Variants in GATAD2A observed in about 807,000 individuals in gnomAD.
The protein encoded by GATAD2A is transcriptional repressor p66-alpha.
Under a neutral mutation model 68.5 loss-of-function variants are expected in GATAD2A, and 12 were observed. That is an observed-to-expected ratio of 0.18 (90% CI 0.11 to 0.28). The LOEUF is 0.28. Ranked by LOEUF, GATAD2A falls within the 10% of genes least tolerant of loss-of-function variation. The pLI is 1.00. For synonymous variants in GATAD2A, 410 were observed against 375.3 expected, an observed-to-expected ratio of 1.09 and a Z score of -1.07; for missense variants, 755 against 868.5, an observed-to-expected ratio of 0.87 and a Z score of 1.64.
At chr19:19,421,628 T>A (rs2052429975) in intron 1 of GATAD2A, among the ~76,000 whole-genome samples, 1 of 152,086 alleles carries the variant, frequency 6.6e-6, no homozygotes. Context: ...AAGCCTGATG[T>A]GTGCAGCCAC....
chr19:19,406,532 TC>T (rs1342633616), intron 1 of GATAD2A, among the ~76,000 whole-genome samples: 2 of 151,974 alleles, frequency 1.3e-5, no homozygotes, highest in African/African-American at 2.4e-5. Context: ...GGGCCGGCCC[TC>T]CCCCAGCTCG....
chr19:19,487,960 A>AGGCATTGCTG (rs1013167000), intron 2 of GATAD2A, among the ~76,000 whole-genome samples: 143 of 152,256 alleles, frequency 9.4e-4, no homozygotes, highest in Admixed American at 8.5e-3. Context: ...TGGCTGGAGA[A>AGGCATTGCTG]GGCATTGCTG....
chr19:19,388,630 T>C (rs2048626472), intron 1 of GATAD2A, among the ~76,000 whole-genome samples: 1 of 151,804 alleles, frequency 6.6e-6, no homozygotes, highest in Non-Finnish European at 1.5e-5. Context: ...CGTGAGGCCA[T>C]CACAGTGTTG....
At chr19:19,439,699 T>C (rs2054770638) in intron 1 of GATAD2A, among the ~76,000 whole-genome samples, 1 of 151,904 alleles carries the variant, frequency 6.6e-6, no homozygotes, top group Admixed American at 6.6e-5. Flanking sequence ...AGTACAAAAT[T>C]AGCTGGGTGT....
At chr19:19,444,408 C>T (rs1362162866) in intron 1 of GATAD2A, among the ~76,000 whole-genome samples, 1 of 152,194 alleles carries the variant, frequency 6.6e-6, no homozygotes, top group Admixed American at 6.5e-5. Context: ...GCTGTGCCCC[C>T]CACTCCAGTG....
At chr19:19,417,080 G>A (rs954913254) in intron 1 of GATAD2A, among the ~76,000 whole-genome samples, 2 of 152,170 alleles carry the variant, frequency 1.3e-5, no homozygotes, top group African/African-American at 4.8e-5. Context: ...ATTTTTTAAA[G>A]TTAATCCGTT....
intron 7 of GATAD2A, among the ~76,000 whole-genome samples, chr19:19,496,729 CAG>C (rs1198066784): frequency 6.6e-6 from 1 of 152,214 alleles, no homozygotes; most frequent in African/African-American, 2.4e-5. Flanking sequence ...CAGAGCCTCT[CAG>C]ATGGGGAGGG....
intron 1 of GATAD2A, among the ~76,000 whole-genome samples, chr19:19,394,129 C>A (rs2049048919): frequency 6.6e-6 from 1 of 152,020 alleles, no homozygotes; most frequent in Admixed American, 6.6e-5. Context: ...CTCAAGCAAT[C>A]CTCCCGCCTA....
chr19:19,491,686 G>GC (rs1450870882), intron 2 of GATAD2A, among the ~76,000 whole-genome samples: 2 of 152,240 alleles, frequency 1.3e-5, no homozygotes, highest in Non-Finnish European at 2.9e-5. Flanking sequence ...GGGCCATCTA[G>GC]CACCTGGTGC....
chr19:19,398,754 C>T (rs756334291), intron 1 of GATAD2A, among the ~76,000 whole-genome samples: 12 of 151,466 alleles, frequency 7.9e-5, no homozygotes, highest in South Asian at 2.1e-4. Flanking sequence ...GGTGAAACCC[C>T]GTCTCTACTA....
chr19:19,418,676 C>A lies in GATAD2A; in HGVS notation c.-7+12657C>A, dbSNP rs530891688. ...TTAAGACACGTCTCTGAAACAACCA[C>A]ATGAATTATTCTAACAGCTGCTGCT... On this transcript the variant is annotated intron_variant, in intron 1 of 11. Coordinates refer to ENST00000683918, the MANE Select transcript of GATAD2A (RefSeq NM_001384528.1). Among the ~76,000 whole-genome samples the A allele has an allele frequency of 2.0e-5, 3 of 152,322 alleles. No individual in the cohort carries two copies. The East Asian group carries it at 5.8e-4, about 29-fold the overall frequency.
chr19:19,492,655 C>T lies in GATAD2A; in HGVS notation c.477C>T (p.Leu159=), dbSNP rs1271772452. Reference sequence around the variant, plus strand: ...AATTGAGGTTAGAAGAAGCAAAACTCGTGTTGTTGAAAAAGTTGCGGCAGA... The same window carrying T: ...AATTGAGGTTAGAAGAAGCAAAACTTGTGTTGTTGAAAAAGTTGCGGCAGA... ...KEELRLEEAK[L]VLLKKLRQSQ... The change falls in exon 4 of 12, where the codon CTC becomes CTT. Residue 159 remains leucine, a synonymous_variant. Coordinates refer to ENST00000683918, the MANE Select transcript of GATAD2A (RefSeq NM_001384528.1). 5 of 1,613,978 alleles carry T rather than the reference C, an allele frequency of 3.1e-6. No homozygotes were observed. Among genetic ancestry groups the T allele is most frequent in the African/African-American group, 2.7e-5 (2 of 74,910 alleles).
chr19:19,448,255 C>T (rs761717226), intron 1 of GATAD2A, among the ~76,000 whole-genome samples: 10 of 152,234 alleles, frequency 6.6e-5, no homozygotes, highest in Non-Finnish European at 1.0e-4. Flanking sequence ...CCTTCACAGG[C>T]GGCACCTTTG....
chr19:19,494,444 G>T (rs1600282841), intron 5 of GATAD2A, 61 bp downstream of exon 5: 1 of 1,027,940 alleles, frequency 9.7e-7, no homozygotes. Context: ...TCAAGCACAG[G>T]CTCCTCGGGC....
chr19:19,495,660 T>C (rs2148431463), intron 5 of GATAD2A, 94 bp from the exon 6 acceptor site: 1 of 977,706 alleles, frequency 1.0e-6, no homozygotes, highest in East Asian at 2.6e-5. Flanking sequence ...AAAAAACTAG[T>C]ATGTACTTTC....
In GATAD2A at chr19:19,498,744, G is replaced by A. The variant is rs750020610; in HGVS notation, c.1204+22G>A. On this transcript the variant is annotated intron_variant, in intron 8 of 11. Transcript: ENST00000683918. ...CAAGGTGAGTGGCCTGGACCCAGCCGGGCTGCTTCCGCCTCTGGCCTCCAA... is the reference window on the plus strand; with the variant it reads ...CAAGGTGAGTGGCCTGGACCCAGCCAGGCTGCTTCCGCCTCTGGCCTCCAA... The A allele has an allele frequency of 7.7e-5, 122 of 1,585,468 alleles. 1 individual carries two copies. Among genetic ancestry groups the A allele is most frequent in the Non-Finnish European group, 8.4e-5 (98 of 1,160,960 alleles).
At chr19:19,438,904 A>G (rs988731885) in intron 1 of GATAD2A, among the ~76,000 whole-genome samples, 4 of 152,256 alleles carry the variant, frequency 2.6e-5, no homozygotes, top group Admixed American at 2.0e-4. Context: ...GTGGGTGTGT[A>G]AGACAGCCCA....
chr19:19,496,388 AG>A (rs751666844), intron 7 of GATAD2A, among the ~76,000 whole-genome samples, 169 bp downstream of exon 7: 7 of 152,166 alleles, frequency 4.6e-5, no homozygotes, highest in Non-Finnish European at 7.4e-5. Context: ...TGGGGGCCAC[AG>A]GGCTGTCTGG....
At chr19:19,465,316 T>A in intron 1 of GATAD2A, 24 bp from the exon 2 acceptor site, 2 of 1,594,018 alleles carry the variant, frequency 1.3e-6, no homozygotes, top group Non-Finnish European at 1.7e-6. Context: ...AGTTAAAATG[T>A]TGTGTCTTCT....
Sources: allele counts gnomAD v4.1 joint callset (sites outside exome capture counted in the v4.1 genomes callset), GRCh38; gene constraint gnomAD v4.1.1; transcripts MANE v1.5; gene names NCBI Gene and HGNC (gene_info 2026-07-23, HGNC 2026-07-21).